Variants in FANCM observed in about 807,000 individuals in gnomAD.
FANCM encodes FA complementation group M, also known as Fanconi anemia group M protein.
FANCM carries 140 observed loss-of-function variants against 199.5 expected under a neutral mutation model. That is an observed-to-expected ratio of 0.70 (90% CI 0.61 to 0.81). The LOEUF is 0.81. FANCM is among the 30% of genes least tolerant of loss of function. The pLI is 0.00. For synonymous variants in FANCM, 840 were observed against 836.8 expected, an observed-to-expected ratio of 1.00 and a Z score of -0.07; for missense variants, 2,410 against 2,421.4, an observed-to-expected ratio of 1.00 and a Z score of 0.10.
At chr14:45,146,850 A>C (rs1382215076) in intron 3 of FANCM, among the ~76,000 whole-genome samples, 1 of 151,370 alleles carries the variant, frequency 6.6e-6, no homozygotes, top group Non-Finnish European at 1.5e-5. Context: ...AAAAAAAAAA[A>C]AAAAAAAAGT....
intron 9 of FANCM, among the ~76,000 whole-genome samples, chr14:45,159,518 T>C (rs950801561): frequency 5.3e-5 from 8 of 152,084 alleles, no homozygotes; most frequent in Non-Finnish European, 1.0e-4. Context: ...AGCTGTGGAA[T>C]TATATTAACT....
rs763517296 is a variant in FANCM, at chr14:45,199,883, A to C, written c.6022A>C (p.Ile2008Leu). ...TTTATTTTTCAGCTCACTTCAAGAAATCTCCATGTATGCACAAGTAACTCA... is the reference window on the plus strand; with the variant it reads ...TTTATTTTTCAGCTCACTTCAAGAACTCTCCATGTATGCACAAGTAACTCA... ...KRMANSSLQE[I>L]SMYAQVTHQK... Residue 2008 changes from isoleucine to leucine, a missense_variant, in exon 23 of 23, where the codon ATC becomes CTC. Physicochemically the swap from Ile to Leu is conservative, Grantham distance 5 (BLOSUM62 2). Coordinates refer to ENST00000267430, the MANE Select transcript of FANCM (RefSeq NM_020937.4). 6.2e-7 allele frequency: 1 copy of C among 1,612,290 alleles called. No individual in the cohort carries two copies. Among genetic ancestry groups the C allele is most frequent in the Non-Finnish European group, 8.5e-7 (1 of 1,178,720 alleles).
intron 5 of FANCM, among the ~76,000 whole-genome samples, chr14:45,152,687 C>T (rs1480754443): frequency 3.9e-5 from 6 of 152,086 alleles, no homozygotes; most frequent in African/African-American, 1.4e-4. Flanking sequence ...ACCAATTTGG[C>T]TGAGGATTTG....
intron 10 of FANCM, among the ~76,000 whole-genome samples, chr14:45,165,309 G>A (rs535650684): frequency 6.6e-6 from 1 of 152,158 alleles, no homozygotes; most frequent in African/African-American, 2.4e-5. Context: ...TGTAATCCCA[G>A]TACCTTTAGG....
In FANCM at chr14:45,137,075, C is replaced by G. The variant is rs745424852; in HGVS notation, c.515C>G (p.Thr172Arg). The change falls in exon 2 of 23, where the codon ACA becomes AGA. Residue 172 changes from threonine (T) to arginine (R), a missense_variant. Transcript: ENST00000267430. ...QSHMAEMTGSTQASTRKEIWC... is the reference protein window; with the variant it reads ...QSHMAEMTGSRQASTRKEIWC... ...ATGTCACTTTTATTTTCAGGGTCTA[C>G]ACAAGCTTCCACCAGGAAGGAAATA... The G allele has an allele frequency of 3.1e-6, 5 of 1,611,224 alleles. No homozygotes were observed. The highest frequency in any genetic ancestry group is 4.2e-6 in the Non-Finnish European group (5 of 1,177,852).
At chr14:45,149,734 T>G (rs1886686481) in intron 4 of FANCM, among the ~76,000 whole-genome samples, 1 of 152,154 alleles carries the variant, frequency 6.6e-6, no homozygotes, top group South Asian at 2.1e-4. Context: ...TATGCAGCAG[T>G]GCTTTTCATC....
chr14:45,189,647 G>T lies in FANCM; in HGVS notation c.5340+285G>T, dbSNP rs190518267. 2.0e-5 allele frequency among the ~76,000 whole-genome samples: 3 copies of T among 152,214 alleles called. No individual in the cohort carries two copies. The East Asian group carries it at 5.8e-4, about 29-fold the overall frequency. On this transcript the variant is annotated intron_variant, in intron 20 of 22. Transcript: ENST00000267430. ...GTGGGAAAATAGGGCTTTCTGCAAGGCAAAATTAACTGAAATTATGTGTTC... is the reference window on the plus strand; with the variant it reads ...GTGGGAAAATAGGGCTTTCTGCAAGTCAAAATTAACTGAAATTATGTGTTC...
chr14:45,141,422 A>G (rs1029455230), intron 3 of FANCM, among the ~76,000 whole-genome samples: 6 of 151,396 alleles, frequency 4.0e-5, no homozygotes, highest in African/African-American at 1.5e-4. Flanking sequence ...GAACTACAAC[A>G]TTTCCTACAA....
Position 45,200,005 on chromosome 14 carries a change from A to G in FANCM, c.6144A>G (p.Ile2048Met). ...DLNQDRLKSD[I>M] is the part of the protein sequence containing the mutation. ...ACCAAGATAGACTGAAATCTGATATATAATCAAGCTGCTCAAGATGGGGTT... is the reference window on the plus strand; with the variant it reads ...ACCAAGATAGACTGAAATCTGATATGTAATCAAGCTGCTCAAGATGGGGTT... Residue 2048 changes from isoleucine to methionine, a missense_variant, in exon 23 of 23, where the codon ATA (isoleucine) becomes ATG (methionine). Coordinates refer to ENST00000267430, the MANE Select transcript of FANCM (RefSeq NM_020937.4). 6.2e-7 allele frequency: 1 copy of G among 1,606,250 alleles called. No homozygotes were observed. Among genetic ancestry groups the G allele is most frequent in the Non-Finnish European group, 8.5e-7 (1 of 1,174,356 alleles).
intron 3 of FANCM, among the ~76,000 whole-genome samples, chr14:45,144,901 G>C (rs1399306627): frequency 6.6e-6 from 1 of 152,050 alleles, no homozygotes; most frequent in Non-Finnish European, 1.5e-5. Context: ...TCAAGCAGAA[G>C]TTTCTCATCA....
intron 18 of FANCM, among the ~76,000 whole-genome samples, chr14:45,186,482 C>G (rs1322297297): frequency 6.6e-6 from 1 of 152,156 alleles, no homozygotes; most frequent in African/African-American, 2.4e-5. Context: ...TCTAATCTTT[C>G]ACAGATCTCA....
intron 9 of FANCM, 60 bp from the exon 10 acceptor site, chr14:45,164,299 C>T: frequency 7.3e-7 from 1 of 1,376,460 alleles, no homozygotes; most frequent in Non-Finnish European, 1.0e-6. Flanking sequence ...GAAAAATATG[C>T]TTTGATCTAC....
chr14:45,147,897 GCCCCCCC>G (rs369490952), intron 3 of FANCM, among the ~76,000 whole-genome samples: 1 of 125,994 alleles, frequency 7.9e-6, no homozygotes, highest in Admixed American at 8.5e-5. Flanking sequence ...GTTCCAAACC[GCCCCCCC>G]CCCAAAAAAA....
At chr14:45,192,703 C>T (rs1297897810) in intron 20 of FANCM, among the ~76,000 whole-genome samples, 1 of 151,952 alleles carries the variant, frequency 6.6e-6, no homozygotes, top group African/African-American at 2.4e-5. Flanking sequence ...CTGGTGCATA[C>T]CTGTAGTCCC....
chr14:45,161,598 G>A (rs1276525658), intron 9 of FANCM, among the ~76,000 whole-genome samples: 1 of 152,092 alleles, frequency 6.6e-6, no homozygotes, highest in Non-Finnish European at 1.5e-5. Flanking sequence ...GGGCAACATG[G>A]TAAAACCTTA....
At chr14:45,142,605 C>T (rs145341165) in intron 3 of FANCM, among the ~76,000 whole-genome samples, 24 of 152,012 alleles carry the variant, frequency 1.6e-4, no homozygotes, top group African/African-American at 4.3e-4. Context: ...TGTGCCCGGC[C>T]GCTTCCTCTT....
intron 3 of FANCM, among the ~76,000 whole-genome samples, chr14:45,148,377 A>G (rs1461477724): frequency 1.3e-5 from 2 of 152,100 alleles, no homozygotes; most frequent in African/African-American, 4.8e-5. Flanking sequence ...CTAATTTTAC[A>G]ATGAAGTCTC....
intron 21 of FANCM, 62 bp from the exon 22 acceptor site, chr14:45,198,582 A>G: frequency 8.6e-7 from 1 of 1,156,262 alleles, no homozygotes; most frequent in Non-Finnish European, 1.3e-6. Flanking sequence ...AATAAAGTAT[A>G]TTAATAATTC....
chr14:45,183,971 A>G (rs1480366183), intron 17 of FANCM, 69 bp downstream of exon 17: 17 of 1,187,954 alleles, frequency 1.4e-5, no homozygotes, highest in Admixed American at 6.1e-5. Flanking sequence ...TTTTACATCA[A>G]TGTAGATTTC....
Sources: allele counts gnomAD v4.1 joint callset (sites outside exome capture counted in the v4.1 genomes callset), GRCh38; gene constraint gnomAD v4.1.1; transcripts MANE v1.5; gene names NCBI Gene and HGNC (gene_info 2026-07-23, HGNC 2026-07-21).